The following KCNN2 variants were observed in gnomAD, a reference collection of about 807,000 sequenced individuals.
KCNN2 encodes the protein potassium calcium-activated channel subfamily N member 2.
KCNN2 carries 24 observed loss-of-function variants against 55.5 expected under a neutral mutation model. The observed-to-expected ratio is 0.43, with a 90% CI of 0.31 to 0.61. KCNN2 has a LOEUF of 0.61. Among genes scored for constraint, KCNN2 ranks in the 20% least tolerant of loss-of-function variants. The pLI, the probability that KCNN2 is intolerant of heterozygous loss-of-function variation, is 0.08. For missense variants in KCNN2, 754 were observed against 853.6 expected (o/e 0.88, Z 1.45); for synonymous variants, 431 against 336.1 (o/e 1.28, Z -3.09).
intron 2 of KCNN2, among the ~76,000 whole-genome samples, chr5:114,378,767 A>G (rs554439894): frequency 6.6e-6 from 1 of 152,186 alleles, no homozygotes; most frequent in Admixed American, 6.5e-5. Context: ...TGTGGCTTAT[A>G]ATGTTCTGTG....
At chr5:114,216,244 A>AT (rs1238981454) in intron 1 of KCNN2, among the ~76,000 whole-genome samples, 7 of 152,228 alleles carry the variant, frequency 4.6e-5, no homozygotes, top group Admixed American at 2.6e-4. Context: ...TTATTTCCTC[A>AT]TTTTTTTGTC....
intron 1 of KCNN2, among the ~76,000 whole-genome samples, chr5:114,166,216 T>C (rs1161099729): frequency 6.6e-6 from 1 of 152,124 alleles, no homozygotes; most frequent in Non-Finnish European, 1.5e-5. Context: ...CTCCAAATTC[T>C]CTTTCCCCTC....
chr5:114,086,902 G>A (rs1751028256), intron 1 of KCNN2, among the ~76,000 whole-genome samples: 1 of 152,122 alleles, frequency 6.6e-6, no homozygotes, highest in Non-Finnish European at 1.5e-5. Flanking sequence ...CCCACAAACA[G>A]TGTATAAGTG....
chr5:114,064,036 T>C (rs191788872), intron 1 of KCNN2, among the ~76,000 whole-genome samples: 21 of 152,324 alleles, frequency 1.4e-4, no homozygotes, highest in Admixed American at 1.3e-3. Context: ...GTCCGCAGAT[T>C]GGAATCACCT....
intron 1 of KCNN2, among the ~76,000 whole-genome samples, chr5:114,130,711 T>C (rs1443732321): frequency 1.3e-5 from 2 of 152,182 alleles, no homozygotes; most frequent in Non-Finnish European, 2.9e-5. Flanking sequence ...GTTATATACT[T>C]CATAATTTTT....
chr5:114,149,144 G>A (rs995129199), intron 1 of KCNN2, among the ~76,000 whole-genome samples: 4 of 152,104 alleles, frequency 2.6e-5, no homozygotes, highest in Admixed American at 6.6e-5. Context: ...TTAAGAAGAC[G>A]TTTAATAAAA....
intron 3 of KCNN2, among the ~76,000 whole-genome samples, chr5:114,431,013 C>T (rs1025572395): frequency 6.6e-6 from 1 of 152,060 alleles, no homozygotes; most frequent in Non-Finnish European, 1.5e-5. Flanking sequence ...AGGATTTTTG[C>T]ATCTACATTC....
intron 2 of KCNN2, among the ~76,000 whole-genome samples, chr5:114,227,379 G>T (rs1234843297): frequency 6.6e-6 from 1 of 152,026 alleles, no homozygotes; most frequent in Admixed American, 6.5e-5. Flanking sequence ...AGCATCCCTA[G>T]ATCCGCTTGC....
At position 114,068,797 on chromosome 5, in the gene KCNN2, T is replaced by C. The variant is rs145935961; in HGVS notation, c.-271+12297T>C. Among the ~76,000 whole-genome samples the C allele has an allele frequency of 4.3e-4, 66 of 152,194 alleles. 1 individual carries two copies. In the East Asian group the frequency reaches 0.011, roughly 26 times the overall value. ...TGCTTTTGCTTTTCTCTTTTCTCTC[T>C]TTTCCTTTCTTTTTCTTTTTCTTTT... On this transcript the variant is annotated intron_variant, in intron 1 of 10. Transcript: ENST00000512097.
chr5:114,177,504 T>C (rs1753160252), intron 1 of KCNN2, among the ~76,000 whole-genome samples: 1 of 151,794 alleles, frequency 6.6e-6, no homozygotes, highest in South Asian at 2.1e-4. Context: ...TATCCATATA[T>C]ATATATATTT....
intron 2 of KCNN2, among the ~76,000 whole-genome samples, chr5:114,240,332 A>T (rs1754591772): frequency 1.3e-5 from 2 of 152,000 alleles, no homozygotes; most frequent in East Asian, 3.9e-4. Flanking sequence ...AAATAAGAAT[A>T]GATGGAAATT....
intron 1 of KCNN2, 36 bp from the exon 2 acceptor site, chr5:114,363,870 C>G (rs972131377): frequency 1.2e-5 from 18 of 1,550,392 alleles, no homozygotes; most frequent in Non-Finnish European, 1.6e-5. Context: ...AAAAGTGCTT[C>G]TTTCTTAAAA....
intron 1 of KCNN2, among the ~76,000 whole-genome samples, chr5:114,105,857 C>A (rs1751472379): frequency 6.6e-6 from 1 of 151,908 alleles, no homozygotes; most frequent in Non-Finnish European, 1.5e-5. Context: ...TGGTTAAAAG[C>A]AGAATTTGTA....
intron 2 of KCNN2, among the ~76,000 whole-genome samples, chr5:114,237,885 A>C (rs1754536377): frequency 6.6e-6 from 1 of 152,200 alleles, no homozygotes; most frequent in Non-Finnish European, 1.5e-5. Flanking sequence ...TGTGATGCTC[A>C]GCTCTTGCCC....
intron 3 of KCNN2, 41 bp downstream of exon 3, chr5:114,404,897 G>A (rs1393835685): frequency 6.5e-7 from 1 of 1,542,380 alleles, no homozygotes. Flanking sequence ...TTTACCATGT[G>A]GTATCTTCAC....
At chr5:114,249,750 A>G (rs1257242249) in intron 2 of KCNN2, among the ~76,000 whole-genome samples, 3 of 100,478 alleles carry the variant, frequency 3.0e-5, no homozygotes, top group Admixed American at 9.9e-5. Flanking sequence ...GCTTCAAAAA[A>G]AAAAAAAAAA....
chr5:114,126,462 C>A (rs1469362798), intron 1 of KCNN2, among the ~76,000 whole-genome samples: 1 of 152,014 alleles, frequency 6.6e-6, no homozygotes, highest in Non-Finnish European at 1.5e-5. Flanking sequence ...CTTATAAAAT[C>A]ATCAGATCTT....
intron 1 of KCNN2, among the ~76,000 whole-genome samples, chr5:114,172,147 G>A (rs1024585537): frequency 2.0e-5 from 3 of 151,810 alleles, no homozygotes; most frequent in African/African-American, 4.8e-5. Context: ...TCTCAATTTC[G>A]TACAACCCTC....
intron 3 of KCNN2, among the ~76,000 whole-genome samples, chr5:114,440,812 T>G (rs1760177874): frequency 8.1e-6 from 1 of 124,142 alleles, no homozygotes. Context: ...AAATGTGTAG[T>G]ATGAAGGGAG....
Sources: allele counts gnomAD v4.1 joint callset (sites outside exome capture counted in the v4.1 genomes callset), GRCh38; gene constraint gnomAD v4.1.1; transcripts MANE v1.5; gene names NCBI Gene and HGNC (gene_info 2026-07-23, HGNC 2026-07-21).